Variants in PSMA8 observed in about 807,000 individuals in gnomAD.
PSMA8 encodes proteasome subunit alpha-type 8.
PSMA8 carries 18 observed loss-of-function variants against 32.4 expected under a neutral mutation model. The ratio of observed to expected loss-of-function variants is 0.56; its 90% CI spans 0.38 to 0.82. The LOEUF (loss-of-function observed/expected upper bound fraction) is 0.82. Ranked by LOEUF, PSMA8 falls within the 40% of genes least tolerant of loss-of-function variation. PSMA8 has a pLI of 0.00. For synonymous variants in PSMA8, 104 were observed against 98.1 expected, an observed-to-expected ratio of 1.06 and a Z score of -0.36; for missense variants, 298 against 300.7, an observed-to-expected ratio of 0.99 and a Z score of 0.07.
At position 26,183,643 on chromosome 18, in the gene PSMA8, G is replaced by A. The variant is rs1365038225; in HGVS notation, c.660+4513G>A. ...AGATGAGAAAAGAATGTGGTTTCTT[G>A]GATGAAATCTACTCCTGGTTATGAT... On this transcript the variant is annotated intron_variant, in intron 6 of 6. Transcript: ENST00000415576. Among the ~76,000 whole-genome samples the A allele has an allele frequency of 1.3e-5, 2 of 150,648 alleles. 1 individual carries two copies. Among genetic ancestry groups the A allele is most frequent in the Non-Finnish European group, 3.0e-5 (2 of 67,746 alleles).
intron 3 of PSMA8, among the ~76,000 whole-genome samples, chr18:26,157,028 G>A (rs2055095515): frequency 6.6e-6 from 1 of 151,036 alleles, no homozygotes; most frequent in Non-Finnish European, 1.5e-5. Flanking sequence ...CAAGCGATCT[G>A]CCTGCCTTGC....
chr18:26,158,251 C>A lies in PSMA8; in HGVS notation c.477+7C>A. 1 of 1,583,882 alleles carries A rather than the reference C, an allele frequency of 6.3e-7. No homozygotes were observed. Among genetic ancestry groups the A allele is most frequent in the South Asian group, 1.2e-5 (1 of 84,494 alleles). ...TACTTATCATGCTTGGAAGGTGAGT[C>A]ATGAATTTATTAATACTTTTTTAGA... is the stretch of plus-strand genomic sequence containing the variant. On this transcript the variant is annotated splice_region_variant and intron_variant, in intron 4 of 6. Coordinates refer to ENST00000415576, the MANE Select transcript of PSMA8 (RefSeq NM_001025096.2).
At chr18:26,137,006 A>G (rs2054916338) in intron 1 of PSMA8, among the ~76,000 whole-genome samples, 1 of 152,190 alleles carries the variant, frequency 6.6e-6, no homozygotes, top group African/African-American at 2.4e-5. Flanking sequence ...TTCTAGTTCT[A>G]AAGCCCCTGC....
At chr18:26,185,133 A>G (rs2055343143) in intron 6 of PSMA8, among the ~76,000 whole-genome samples, 1 of 150,096 alleles carries the variant, frequency 6.7e-6, no homozygotes, top group Non-Finnish European at 1.5e-5. Context: ...ACATTTGAAA[A>G]TTGTTTCTAC....
At chr18:26,181,104 A>G (rs1264593849) in intron 6 of PSMA8, among the ~76,000 whole-genome samples, 1 of 152,202 alleles carries the variant, frequency 6.6e-6, no homozygotes, top group East Asian at 1.9e-4. Context: ...AAGTCTGTCA[A>G]TTCCATTTGT....
In PSMA8 at chr18:26,179,138, A is replaced by T. The variant is rs762061479; in HGVS notation, c.660+8A>T. ...AGAAATCAACCTTTGAAGGTAAGTC[A>T]TTAACCAAAGAGGAAAAAGTATCTG... On this transcript the variant is annotated splice_region_variant and intron_variant, in intron 6 of 6. Coordinates refer to ENST00000415576, the MANE Select transcript of PSMA8 (RefSeq NM_001025096.2). 1 of 1,603,504 alleles carries T rather than the reference A, an allele frequency of 6.2e-7. No homozygotes were observed. Among genetic ancestry groups the T allele is most frequent in the Non-Finnish European group, 8.5e-7 (1 of 1,173,400 alleles).
chr18:26,183,140 C>T (rs2055325976), intron 6 of PSMA8, among the ~76,000 whole-genome samples: 1 of 149,470 alleles, frequency 6.7e-6, no homozygotes, highest in Admixed American at 6.6e-5. Flanking sequence ...GCTTGTAATC[C>T]CAGCACTTTG....
intron 6 of PSMA8, among the ~76,000 whole-genome samples, chr18:26,185,251 A>T (rs2055343824): frequency 6.6e-6 from 1 of 150,630 alleles, no homozygotes; most frequent in South Asian, 2.1e-4. Context: ...AAGTTAAAAC[A>T]AAAAAACTCC....
In PSMA8 at chr18:26,178,948, A is replaced by C. The variant is rs759993384; in HGVS notation, c.596A>C (p.Glu199Ala). ...AIKLAIKALLEVVQSGGKNIE... is the reference protein window; with the variant it reads ...AIKLAIKALLAVVQSGGKNIE... The stretch of plus-strand genomic sequence containing the variant: ...AAGTTAGCAATAAAAGCTTTGCTAG[A>C]AGTAAGTGATCTAATAAAGCATATT... Residue 199 changes from glutamate to alanine, a missense_variant and splice_region_variant, in exon 5 of 7, where the codon GAA becomes GCA. By Grantham distance (107) the Glu-to-Ala change is moderately radical. Coordinates refer to ENST00000415576, the MANE Select transcript of PSMA8 (RefSeq NM_001025096.2). The C allele has an allele frequency of 1.2e-6, 2 of 1,612,638 alleles. No individual in the cohort carries two copies. The highest frequency in any genetic ancestry group is 1.7e-6 in the Non-Finnish European group (2 of 1,179,572).
At chr18:26,140,670 T>A (rs1265327214) in intron 1 of PSMA8, among the ~76,000 whole-genome samples, 1 of 152,218 alleles carries the variant, frequency 6.6e-6, no homozygotes, top group African/African-American at 2.4e-5. Context: ...GGTACTTTTA[T>A]TTATTTAGAA....
intron 1 of PSMA8, among the ~76,000 whole-genome samples, chr18:26,139,404 G>T (rs940069850): frequency 2.0e-5 from 3 of 152,212 alleles, no homozygotes; most frequent in African/African-American, 7.2e-5. Context: ...AGAGATGCAT[G>T]CAGCACTGGT....
intron 4 of PSMA8, among the ~76,000 whole-genome samples, chr18:26,163,302 G>T (rs2055153821): frequency 7.0e-6 from 1 of 143,522 alleles, no homozygotes; most frequent in Non-Finnish European, 1.5e-5. Context: ...GGAGGATAGA[G>T]AATGACTGAT....
In PSMA8 at chr18:26,134,051, A is replaced by G. The variant is rs1333524218; in HGVS notation, c.86A>G (p.Lys29Arg). The G allele has an allele frequency of 2.5e-6, 4 of 1,613,528 alleles. No individual in the cohort carries two copies. The African/African-American group carries it at 5.3e-5, about 22-fold the overall frequency. ...FQVEYAQEAV[K>R]KGSTAVGIRG... ...GTTGAATATGCCCAGGAAGCGGTGA[A>G]GAAAGGATCCACCGCGGTGAGGAAG... Residue 29 changes from lysine to arginine, a missense_variant, in exon 1 of 7, where the codon AAG (lysine) becomes AGG (arginine). Physicochemically the swap from Lys to Arg is conservative, Grantham distance 26 (BLOSUM62 2). Coordinates refer to ENST00000415576, the MANE Select transcript of PSMA8 (RefSeq NM_001025096.2).
At chr18:26,171,764 T>C (rs12970927) in intron 4 of PSMA8, among the ~76,000 whole-genome samples, 16,685 of 152,120 alleles carry the variant, frequency 0.11, 1,506 homozygotes, top group African/African-American at 0.26. Flanking sequence ...TTTCAGTTTC[T>C]CATTATTGGG....
At position 26,192,453 on chromosome 18, in the gene PSMA8, T is replaced by C; in HGVS notation, c.*42T>C. ...TGGGAGGTCTTAATGTTTTGTTTTA[T>C]TGTACTGCCTGAGGTTGTTTAGTGA... On this transcript the variant is annotated 3_prime_UTR_variant, in exon 7 of 7. Transcript: ENST00000415576. 1.3e-6 allele frequency: 2 copies of C among 1,504,084 alleles called. No individual in the cohort carries two copies. The highest frequency in any genetic ancestry group is 1.8e-6 in the Non-Finnish European group (2 of 1,137,394). 93.2% of individuals were successfully genotyped at this position (1,504,084 alleles called of 1,614,324 possible).
intron 4 of PSMA8, among the ~76,000 whole-genome samples, chr18:26,159,037 C>CAGTG (rs2055114276): frequency 6.6e-6 from 1 of 151,944 alleles, no homozygotes; most frequent in African/African-American, 2.4e-5. Flanking sequence ...GCCAGAGAAA[C>CAGTG]CTAGCTTCCA....
Position 26,172,660 on chromosome 18 carries a change from A to G in PSMA8, c.478-6170A>G, listed in dbSNP as rs538489998. 1.5e-4 allele frequency among the ~76,000 whole-genome samples: 23 copies of G among 152,270 alleles called. 1 individual carries two copies. The South Asian group carries it at 4.8e-3, about 32-fold the overall frequency. ...TCCATTATTATTTAATAATAAATCA[A>G]TTTAAAAAGTACAGTTACATTCTCT... On this transcript the variant is annotated intron_variant, in intron 4 of 6. Coordinates refer to ENST00000415576, the MANE Select transcript of PSMA8 (RefSeq NM_001025096.2).
intron 1 of PSMA8, 56 bp downstream of exon 1, chr18:26,134,123 T>A: frequency 7.7e-7 from 1 of 1,303,424 alleles, no homozygotes; most frequent in South Asian, 1.2e-5. Context: ...AGGCCATCGT[T>A]ACCCTGCTGC....
chr18:26,179,350 C>A (rs2055291191), intron 6 of PSMA8, among the ~76,000 whole-genome samples: 1 of 150,908 alleles, frequency 6.6e-6, no homozygotes, highest in Admixed American at 6.6e-5. Flanking sequence ...CCCAGGCTGG[C>A]CTCTAACTCC....
Sources: allele counts gnomAD v4.1 joint callset (sites outside exome capture counted in the v4.1 genomes callset), GRCh38; gene constraint gnomAD v4.1.1; transcripts MANE v1.5; gene names NCBI Gene and HGNC (gene_info 2026-07-23, HGNC 2026-07-21).